IL1RAPL1: variants seen among roughly 807,000 people sequenced by gnomAD.
IL1RAPL1 encodes interleukin-1 receptor accessory protein-like 1.
In IL1RAPL1, 3 loss-of-function variants were observed where a neutral mutation model predicts 48.4. The observed-to-expected ratio is 0.06, with a 90% CI of 0.03 to 0.16. The LOEUF is 0.16. Ranked by LOEUF, IL1RAPL1 falls within the 10% of genes least tolerant of loss-of-function variation. IL1RAPL1 has a pLI of 1.00. For synonymous variants in IL1RAPL1, 185 were observed against 187.7 expected (o/e 0.99, Z 0.12); for missense variants, 349 against 530.6 (o/e 0.66, Z 3.36).
rs756225025 is a variant in IL1RAPL1, at chrX:29,664,495, A to G, written c.704-3935A>G. The stretch of plus-strand genomic sequence containing the variant: ...TGAAAGAAACATTTTATGGTAGGAT[A>G]AGTATAGATATCCAAAATGTATCGA... On this transcript the variant is annotated intron_variant, in intron 5 of 10. Coordinates refer to ENST00000378993, the MANE Select transcript of IL1RAPL1 (RefSeq NM_014271.4). Among the ~76,000 whole-genome samples, 6 of 111,684 alleles carry G rather than the reference A, an allele frequency of 5.4e-5. No individual in the cohort carries two copies. In the Admixed American group the frequency reaches 5.7e-4, roughly 11 times the overall value.
chrX:29,150,272 G>A (rs1294037562), intron 2 of IL1RAPL1, among the ~76,000 whole-genome samples: 2 of 111,827 alleles, frequency 1.8e-5, no homozygotes, highest in East Asian at 2.8e-4. Context: ...ACTTAAATGT[G>A]GCTCTATGTA....
At chrX:29,850,434 C>A (rs1931339461) in intron 6 of IL1RAPL1, among the ~76,000 whole-genome samples, 1 of 112,321 alleles carries the variant, frequency 8.9e-6, no homozygotes, top group Non-Finnish European at 1.9e-5. Context: ...TGTGCCAAAT[C>A]TTGTTGAGGC....
At chrX:29,432,267 T>C (rs890939268) in intron 5 of IL1RAPL1, among the ~76,000 whole-genome samples, 6 of 111,376 alleles carry the variant, frequency 5.4e-5, no homozygotes, top group South Asian at 3.7e-4. Context: ...CTCTGCCCCT[T>C]TAAGGTGTAA....
chrX:29,694,819 G>A (rs371769025), intron 6 of IL1RAPL1, among the ~76,000 whole-genome samples: 1 of 111,572 alleles, frequency 9.0e-6, no homozygotes, highest in Admixed American at 9.5e-5. Context: ...AGATTTTGAC[G>A]TAATAATTTT....
At chrX:28,978,504 G>A (rs1210710854) in intron 2 of IL1RAPL1, among the ~76,000 whole-genome samples, 1 of 111,789 alleles carries the variant, frequency 8.9e-6, no homozygotes, top group African/African-American at 3.3e-5. Context: ...AAATTCCAAA[G>A]GCCAGATTGT....
At chrX:29,930,162 T>G (rs933078753) in intron 8 of IL1RAPL1, among the ~76,000 whole-genome samples, 3 of 112,476 alleles carry the variant, frequency 2.7e-5, no homozygotes, top group African/African-American at 9.7e-5. Flanking sequence ...TGACTCCACG[T>G]TTTATGTGAA....
intron 2 of IL1RAPL1, among the ~76,000 whole-genome samples, chrX:28,931,826 A>G (rs1025852861): frequency 9.1e-5 from 10 of 110,253 alleles, no homozygotes; most frequent in Non-Finnish European, 1.7e-4. Context: ...TCACGAGGTC[A>G]GGAGATCGAG....
chrX:28,819,052 A>G (rs1478528326), intron 2 of IL1RAPL1, among the ~76,000 whole-genome samples: 1 of 111,032 alleles, frequency 9.0e-6, no homozygotes. Context: ...CCATGGAAGC[A>G]TGCTACTATG....
At chrX:29,488,910 G>A (rs1401545851) in intron 5 of IL1RAPL1, among the ~76,000 whole-genome samples, 1 of 111,940 alleles carries the variant, frequency 8.9e-6, no homozygotes, top group Non-Finnish European at 1.9e-5. Context: ...AGACACTGGA[G>A]AGTTAAAGAT....
At chrX:28,944,948 CTG>C (rs1217937727) in intron 2 of IL1RAPL1, among the ~76,000 whole-genome samples, 4 of 110,104 alleles carry the variant, frequency 3.6e-5, no homozygotes, top group Non-Finnish European at 7.6e-5. Flanking sequence ...CACACACACA[CTG>C]TGTGTGTGTA....
rs139159331 is a variant in IL1RAPL1 at position 29,270,467 on chromosome X, G to C, written c.83-12471G>C. 3.5e-3 allele frequency among the ~76,000 whole-genome samples: 388 copies of C among 112,020 alleles called. 2 individuals are homozygous for C. The Middle Eastern group carries it at 0.046, about 13-fold the overall frequency. ...AATTTTTGTTTACAGTAGAATGTATGAATCAAAGTTTAGATTTTGTCATAT... is the reference window on the plus strand; with the variant it reads ...AATTTTTGTTTACAGTAGAATGTATCAATCAAAGTTTAGATTTTGTCATAT... On this transcript the variant is annotated intron_variant, in intron 2 of 10. Coordinates refer to ENST00000378993, the MANE Select transcript of IL1RAPL1 (RefSeq NM_014271.4).
intron 2 of IL1RAPL1, among the ~76,000 whole-genome samples, chrX:28,844,384 T>C (rs993140279): frequency 9.2e-6 from 1 of 108,750 alleles, no homozygotes; most frequent in African/African-American, 3.3e-5. Context: ...GGTTTAGACC[T>C]TAGGAGACCT....
chrX:28,961,185 T>C (rs1307504313), intron 2 of IL1RAPL1, among the ~76,000 whole-genome samples: 8 of 110,810 alleles, frequency 7.2e-5, no homozygotes, highest in Non-Finnish European at 1.5e-4. Context: ...GTACTTCTTG[T>C]ACATCCTCAT....
chrX:29,578,787 T>C lies in IL1RAPL1; in HGVS notation c.704-89643T>C, dbSNP rs143578334. Among the ~76,000 whole-genome samples, 309 of 111,724 alleles carry C rather than the reference T, an allele frequency of 2.8e-3. 2 individuals are homozygous for C. Among genetic ancestry groups the C allele is most frequent in the Admixed American group, 0.026 (266 of 10,279 alleles). ...ATGGGAAGTGATATGCTAACATAAATGGGTGAATTTGTAGATGTATCAGTT... is the reference window on the plus strand; with the variant it reads ...ATGGGAAGTGATATGCTAACATAAACGGGTGAATTTGTAGATGTATCAGTT... On this transcript the variant is annotated intron_variant, in intron 5 of 10. Coordinates refer to ENST00000378993, the MANE Select transcript of IL1RAPL1 (RefSeq NM_014271.4).
At chrX:29,716,668 T>A (rs895792401) in intron 6 of IL1RAPL1, among the ~76,000 whole-genome samples, 1 of 111,751 alleles carries the variant, frequency 8.9e-6, no homozygotes, top group Admixed American at 9.5e-5. Context: ...GAGAAAGCTG[T>A]CACTATTCTT....
intron 5 of IL1RAPL1, among the ~76,000 whole-genome samples, chrX:29,414,894 GGT>G (rs1934194725): frequency 9.0e-6 from 1 of 111,244 alleles, no homozygotes; most frequent in South Asian, 3.8e-4. Context: ...CAGAGTCTCT[GGT>G]GTGGAAAGAT....
chrX:28,983,123 T>C (rs1027811964), intron 2 of IL1RAPL1, among the ~76,000 whole-genome samples: 27 of 112,415 alleles, frequency 2.4e-4, no homozygotes, highest in African/African-American at 8.7e-4. Flanking sequence ...TCTAGATGGA[T>C]CCTTGACTGT....
chrX:29,097,834 A>G (rs183370941), intron 2 of IL1RAPL1, among the ~76,000 whole-genome samples: 2 of 112,267 alleles, frequency 1.8e-5, no homozygotes, highest in African/African-American at 6.5e-5. Context: ...TTAAACCCTA[A>G]CAAATCTGGT....
At chrX:28,699,850 G>A (rs1935275463) in intron 1 of IL1RAPL1, among the ~76,000 whole-genome samples, 1 of 111,780 alleles carries the variant, frequency 8.9e-6, no homozygotes, top group Non-Finnish European at 1.9e-5. Context: ...CTGCTGGACT[G>A]AGAGTCAGAA....
Sources: gnomAD v4.1 joint callset for allele counts (sites outside exome capture counted in the v4.1 genomes callset) on GRCh38, gnomAD v4.1.1 for gene constraint, MANE v1.5 for transcripts, NCBI Gene and HGNC (gene_info 2026-07-23, HGNC 2026-07-21) for gene names.